Variants in TRIM14 observed in about 807,000 individuals in gnomAD.
The protein encoded by TRIM14 is tripartite motif-containing protein 14.
In TRIM14, 28 loss-of-function variants were observed where a neutral mutation model predicts 44.5. The ratio of observed to expected loss-of-function variants is 0.63; its 90% confidence interval spans 0.47 to 0.86. TRIM14 has a LOEUF of 0.86. Ranked by LOEUF, TRIM14 falls within the 40% of genes least tolerant of loss-of-function variation. TRIM14 has a pLI of 0.00. For synonymous variants in TRIM14, 299 were observed against 269.2 expected (o/e 1.11, Z -1.08); for missense variants, 607 against 611.1 (o/e 0.99, Z 0.07).
At chr9:98,092,359 C>T (rs1395351753) in intron 4 of TRIM14, 7 of 211,382 alleles carry the variant, frequency 3.3e-5, no homozygotes, top group East Asian at 1.3e-4. Flanking sequence ...GGGAGTCTAT[C>T]CCAACAAGCG....
chr9:98,064,438 T>G (rs112341363), downstream of TRIM14, among the ~76,000 whole-genome samples: 741 of 152,208 alleles, frequency 4.9e-3, 2 homozygotes, highest in African/African-American at 0.017. Context: ...ATATTTTTAG[T>G]AGAGATGGGG....
intron 3 of TRIM14, among the ~76,000 whole-genome samples, chr9:98,098,449 C>T (rs368972097): frequency 1.3e-5 from 2 of 152,072 alleles, no homozygotes; most frequent in African/African-American, 4.8e-5. Flanking sequence ...CGGTGGCTCA[C>T]GCCTGTAATC....
chr9:98,081,123 T>C (rs2118029694), downstream of TRIM14: 1 of 1,608,198 alleles, frequency 6.2e-7, no homozygotes, highest in African/African-American at 1.3e-5. Flanking sequence ...CTGCCGTGTG[T>C]GGAAAAAGGA....
At chr9:98,060,767 T>TA in the TRIM14 span, 1 of 1,613,032 alleles carries the variant, frequency 6.2e-7, no homozygotes, top group Non-Finnish European at 8.5e-7. Flanking sequence ...AAAGATGTCC[T>TA]AATGTGTGTT....
chr9:98,050,191 T>A, the TRIM14 span, among the ~76,000 whole-genome samples: 1 of 152,364 alleles, frequency 6.6e-6, no homozygotes, highest in Admixed American at 6.5e-5. Flanking sequence ...CTCCACTTGT[T>A]GTAGTTCATG....
chr9:98,113,582 T>C (rs1435202752), intron 1 of TRIM14, among the ~76,000 whole-genome samples: 4 of 152,194 alleles, frequency 2.6e-5, no homozygotes, highest in Non-Finnish European at 5.9e-5. Context: ...TTTGAACTCC[T>C]GAGCTCAAGT....
At chr9:98,046,714 C>A in the TRIM14 span, among the ~76,000 whole-genome samples, 6 of 152,150 alleles carry the variant, frequency 3.9e-5, no homozygotes, top group Non-Finnish European at 8.8e-5. Context: ...GCTGGGATTA[C>A]AGGCGTGAGC....
At chr9:98,081,819 G>T (rs994291035), downstream of TRIM14, 3 of 152,088 alleles carry the variant, frequency 2.0e-5, no homozygotes, top group African/African-American at 7.2e-5. Context: ...ATTCTAGTGG[G>T]GCCTACCTGC....
chr9:98,103,539 C>T (rs1240342111), intron 2 of TRIM14, among the ~76,000 whole-genome samples: 1 of 151,700 alleles, frequency 6.6e-6, no homozygotes, highest in African/African-American at 2.4e-5. Flanking sequence ...ATTATTTATA[C>T]AATTAAAAAA....
At chr9:98,065,308 C>CTTTTTTT (rs758040892), downstream of TRIM14, among the ~76,000 whole-genome samples, 2 of 92,764 alleles carry the variant, frequency 2.2e-5, no homozygotes, top group East Asian at 3.0e-4. Context: ...ACTCCTGGTG[C>CTTTTTTT]TTTTTTTTTT....
Position 98,109,888 on chromosome 9 carries a change from C to G in TRIM14, c.303+1G>C. On this transcript the variant is annotated splice_donor_variant, in intron 2 of 5. Coordinates refer to ENST00000341469, the MANE Select transcript of TRIM14 (RefSeq NM_014788.4). LOFTEE classifies it high-confidence loss of function. ...GGTATGAGGAAGAAATGTCCACTTGCCTTGAGCTTCTCGGTGGCATCTTCT... is the reference window on the plus strand; with the variant it reads ...GGTATGAGGAAGAAATGTCCACTTGGCTTGAGCTTCTCGGTGGCATCTTCT... The G allele has an allele frequency of 6.2e-7, 1 of 1,612,352 alleles. No homozygotes were observed. The highest frequency in any genetic ancestry group is 1.1e-5 in the South Asian group (1 of 90,998).
intron 4 of TRIM14, chr9:98,092,431 C>T: frequency 3.0e-6 from 1 of 334,104 alleles, no homozygotes. Context: ...GACAGCCCCC[C>T]CACACCCTTC....
the TRIM14 span, among the ~76,000 whole-genome samples, chr9:98,051,449 C>T: frequency 6.6e-6 from 1 of 152,280 alleles, no homozygotes; most frequent in African/African-American, 2.4e-5. Flanking sequence ...TAATCTAGAG[C>T]AATTCCATTA....
the TRIM14 span, among the ~76,000 whole-genome samples, chr9:98,045,960 C>T: frequency 5.9e-5 from 9 of 152,188 alleles, no homozygotes; most frequent in African/African-American, 9.6e-5. Context: ...GGACTGGGTC[C>T]GGGATTGAAT....
chr9:98,092,637 A>G, intron 4 of TRIM14: 1 of 203,220 alleles, frequency 4.9e-6, no homozygotes, highest in Non-Finnish European at 1.1e-5. Flanking sequence ...AGTTCGGCCT[A>G]CATATTTTTC....
At chr9:98,067,720 AC>A (rs1829188643), downstream of TRIM14, among the ~76,000 whole-genome samples, 1 of 150,232 alleles carries the variant, frequency 6.7e-6, no homozygotes, top group Non-Finnish European at 1.5e-5. Context: ...TGTCTTTTTC[AC>A]TTTCTTTTTT....
At chr9:98,039,496 C>T in the TRIM14 span, among the ~76,000 whole-genome samples, 1 of 152,242 alleles carries the variant, frequency 6.6e-6, no homozygotes, top group South Asian at 2.1e-4. Context: ...TGCCTGGGCT[C>T]TAGATTGCCT....
intron 6 of TRIM14, among the ~76,000 whole-genome samples, chr9:98,070,224 TCTC>T (rs971134187): frequency 6.6e-6 from 1 of 152,158 alleles, no homozygotes; most frequent in Non-Finnish European, 1.5e-5. Context: ...TTCAAGCAGT[TCTC>T]CTGCTTCAGC....
chr9:98,059,875 C>T, the TRIM14 span, among the ~76,000 whole-genome samples: 5 of 152,048 alleles, frequency 3.3e-5, no homozygotes, highest in African/African-American at 4.8e-5. Context: ...TGGAGAAAAG[C>T]GCCAGTGCAA....
Sources: allele counts gnomAD v4.1 joint callset (sites outside exome capture counted in the v4.1 genomes callset), GRCh38; gene constraint gnomAD v4.1.1; transcripts MANE v1.5; gene names NCBI Gene and HGNC (gene_info 2026-07-23, HGNC 2026-07-21).